ARMH4: variants seen among roughly 807,000 people sequenced by gnomAD.
The protein encoded by ARMH4 is armadillo-like helical domain-containing protein 4.
A neutral mutation model predicts 61.9 loss-of-function variants in ARMH4; 49 were observed. That is an observed-to-expected ratio of 0.79 (90% CI 0.63 to 1.00). The LOEUF (loss-of-function observed/expected upper bound fraction) is 1.00, where lower values mean the gene tolerates loss of function less well. Among genes scored for constraint, ARMH4 ranks in the 50% least tolerant of loss-of-function variants. The pLI is 0.00. For synonymous variants in ARMH4, 368 were observed against 341.5 expected (o/e 1.08, Z -0.85); for missense variants, 934 against 930.0 (o/e 1.00, Z -0.06).
At position 58,028,600 on chromosome 14, in the gene ARMH4, A is replaced by G. The variant is rs559149771; in HGVS notation, c.2090-16450T>C. 7.2e-5 allele frequency among the ~76,000 whole-genome samples: 11 copies of G among 152,168 alleles called. No individual in the cohort carries two copies. The East Asian group carries it at 1.9e-3, about 27-fold the overall frequency. ...TTTCAGCTCCCATTCCCTGTCCTCC[A>G]CCAGCCAAGGCCATGTCTCTTGATG... On this transcript the variant is annotated intron_variant, in intron 5 of 7. Transcript: ENST00000267485.
chr14:58,124,298 G>GA (rs909631259), intron 4 of ARMH4, among the ~76,000 whole-genome samples: 3 of 152,278 alleles, frequency 2.0e-5, no homozygotes, highest in African/African-American at 4.8e-5. Flanking sequence ...ATATGTCATA[G>GA]AAAAAACAGG....
chr14:58,118,100 T>C (rs940962527), intron 4 of ARMH4, among the ~76,000 whole-genome samples: 2 of 152,114 alleles, frequency 1.3e-5, no homozygotes, highest in Non-Finnish European at 2.9e-5. Flanking sequence ...GGAGGCTTCA[T>C]AGAGGAGAAT....
At chr14:58,102,221 G>C (rs563963381) in intron 4 of ARMH4, among the ~76,000 whole-genome samples, 1 of 152,164 alleles carries the variant, frequency 6.6e-6, no homozygotes, top group African/African-American at 2.4e-5. Context: ...GTGTGGAAAT[G>C]AGTTATGGGG....
intron 5 of ARMH4, among the ~76,000 whole-genome samples, chr14:58,073,969 C>CAA (rs541942375): frequency 2.3e-4 from 35 of 152,308 alleles, no homozygotes; most frequent in African/African-American, 8.2e-4. Flanking sequence ...ACAAATTTAA[C>CAA]AAAGTATCAT....
chr14:58,065,734 G>A (rs950210547), intron 5 of ARMH4, among the ~76,000 whole-genome samples: 1 of 152,210 alleles, frequency 6.6e-6, no homozygotes, highest in African/African-American at 2.4e-5. Flanking sequence ...AATAGAATAC[G>A]ACAAAGATGA....
At chr14:58,007,608 ATTC>A (rs1388190029) in intron 6 of ARMH4, among the ~76,000 whole-genome samples, 5 of 152,370 alleles carry the variant, frequency 3.3e-5, no homozygotes, top group Middle Eastern at 3.4e-3. Flanking sequence ...TAATTTAACT[ATTC>A]TTCTTTCAAA....
intron 4 of ARMH4, among the ~76,000 whole-genome samples, chr14:58,101,955 G>C (rs1355036128): frequency 6.6e-6 from 1 of 152,126 alleles, no homozygotes; most frequent in Non-Finnish European, 1.5e-5. Context: ...GAGAGAGAGA[G>C]AGAGAGAATG....
At chr14:58,011,320 G>A (rs1882399009) in intron 6 of ARMH4, among the ~76,000 whole-genome samples, 1 of 152,054 alleles carries the variant, frequency 6.6e-6, no homozygotes, top group African/African-American at 2.4e-5. Context: ...AAATATGAGG[G>A]AAATTGACTG....
chr14:58,054,993 C>T (rs1318329307), intron 5 of ARMH4, among the ~76,000 whole-genome samples: 2 of 152,076 alleles, frequency 1.3e-5, no homozygotes, highest in Non-Finnish European at 2.9e-5. Flanking sequence ...TGTCCTGGTT[C>T]AGACCATGGA....
chr14:58,011,765 GAA>G (rs745515042), intron 6 of ARMH4, among the ~76,000 whole-genome samples: 324 of 95,624 alleles, frequency 3.4e-3, no homozygotes, highest in African/African-American at 0.012. Flanking sequence ...TCTCATATTA[GAA>G]AAAAAAAAAA....
intron 5 of ARMH4, among the ~76,000 whole-genome samples, chr14:58,040,429 C>G (rs1391778253): frequency 1.3e-5 from 2 of 152,090 alleles, no homozygotes; most frequent in Non-Finnish European, 2.9e-5. Context: ...GTTTTCTGTT[C>G]CTGTGTTAGT....
At chr14:58,015,824 C>T (rs991679892) in intron 5 of ARMH4, among the ~76,000 whole-genome samples, 1 of 150,114 alleles carries the variant, frequency 6.7e-6, no homozygotes, top group African/African-American at 2.4e-5. Flanking sequence ...CTTCGGGAGG[C>T]CAAGGCAGGC....
At chr14:58,058,115 C>G (rs923515581) in intron 5 of ARMH4, among the ~76,000 whole-genome samples, 3 of 152,124 alleles carry the variant, frequency 2.0e-5, no homozygotes, top group Non-Finnish European at 4.4e-5. Flanking sequence ...AAATTGGTTC[C>G]AGGACAACCC....
chr14:58,104,737 G>A (rs1258358396), intron 4 of ARMH4, among the ~76,000 whole-genome samples: 5 of 152,270 alleles, frequency 3.3e-5, no homozygotes, highest in African/African-American at 9.6e-5. Flanking sequence ...GAAAACTATC[G>A]AATAAAGGAA....
At chr14:58,050,854 C>A (rs751691012) in intron 5 of ARMH4, among the ~76,000 whole-genome samples, 3 of 152,100 alleles carry the variant, frequency 2.0e-5, no homozygotes, top group Admixed American at 2.0e-4. Context: ...CGACTCCTGG[C>A]AACCACCTGT....
intron 5 of ARMH4, among the ~76,000 whole-genome samples, chr14:58,088,980 T>C (rs553980715): frequency 1.9e-4 from 29 of 152,248 alleles, no homozygotes; most frequent in African/African-American, 6.0e-4. Flanking sequence ...GACAGTTGTT[T>C]TATAGGGGTA....
At position 58,004,688 on chromosome 14, in the gene ARMH4, ATTAG is replaced by A; in HGVS notation, c.*44_*47del. On this transcript the variant is annotated 3_prime_UTR_variant, in exon 8 of 8. Transcript: ENST00000267485. Reference sequence around the variant, plus strand: ...TTTTTTTTTCTGCTCCAAAATAAAAATTAGAATAGTAGCATCGTTGAATATCCCA... The same window carrying A: ...TTTTTTTTTCTGCTCCAAAATAAAAAAATAGTAGCATCGTTGAATATCCCA... 1 of 1,439,368 alleles carries A rather than the reference ATTAG, an allele frequency of 6.9e-7. No individual in the cohort carries two copies. Among genetic ancestry groups the A allele is most frequent in the South Asian group, 1.2e-5 (1 of 81,824 alleles). 89.2% of individuals were successfully genotyped at this position (1,439,368 alleles called of 1,614,324 possible). A position where few individuals can be genotyped will look rare whatever the true frequency, so the allele number is the denominator to read the frequency against.
At chr14:58,055,460 A>G (rs1297166049) in intron 5 of ARMH4, among the ~76,000 whole-genome samples, 1 of 152,252 alleles carries the variant, frequency 6.6e-6, no homozygotes, top group African/African-American at 2.4e-5. Context: ...GGGTGTCAGG[A>G]TCTTACAGTC....
At position 58,032,694 on chromosome 14, in the gene ARMH4, C is replaced by T. The variant is rs374429529; in HGVS notation, c.2090-20544G>A. ...CAGTGGGCGCAGGCCAGTGTGTGCG[C>T]GCACCGTGCGCGAGCCGAAGCAGGG... is the stretch of plus-strand genomic sequence containing the variant. On this transcript the variant is annotated intron_variant, in intron 5 of 7. Transcript: ENST00000267485. Among the ~76,000 whole-genome samples, 25 of 151,870 alleles carry T rather than the reference C, an allele frequency of 1.6e-4. No individual in the cohort carries two copies. In the East Asian group the frequency reaches 3.4e-3, roughly 20 times the overall value.
Sources: allele counts gnomAD v4.1 joint callset (sites outside exome capture counted in the v4.1 genomes callset), GRCh38; gene constraint gnomAD v4.1.1; transcripts MANE v1.5; gene names NCBI Gene and HGNC (gene_info 2026-07-23, HGNC 2026-07-21).